Variants in DMD observed in about 807,000 individuals in gnomAD.
The protein encoded by DMD is mutant dystrophin.
Under a neutral mutation model 330.1 loss-of-function variants are expected in DMD, and 63 were observed. The observed-to-expected ratio is 0.19, with a 90% CI of 0.16 to 0.24. The LOEUF (loss-of-function observed/expected upper bound fraction) is 0.24. Ranked by LOEUF, DMD falls within the 10% of genes least tolerant of loss-of-function variation. The pLI, the probability that DMD is intolerant of heterozygous loss-of-function variation, is 1.00. For missense variants in DMD, 3,344 were observed against 2,684.1 expected, an observed-to-expected ratio of 1.25 and a Z score of -5.43; for synonymous variants, 1,223 against 959.8, an observed-to-expected ratio of 1.27 and a Z score of -5.07.
intron 2 of DMD, among the ~76,000 whole-genome samples, chrX:33,012,131 G>GAA (rs1037256043): frequency 2.7e-5 from 3 of 111,618 alleles, no homozygotes; most frequent in Non-Finnish European, 3.8e-5. Flanking sequence ...GTCTTTCTTT[G>GAA]AAAACAGTGA....
chrX:32,636,264 T>A (rs1273671912), intron 11 of DMD, among the ~76,000 whole-genome samples: 1 of 111,820 alleles, frequency 8.9e-6, no homozygotes, highest in Non-Finnish European at 1.9e-5. Context: ...TTTCAAAAAT[T>A]CCCACTAATT....
chrX:31,358,937 C>T (rs1330783429), intron 60 of DMD, among the ~76,000 whole-genome samples: 1 of 111,931 alleles, frequency 8.9e-6, no homozygotes, highest in African/African-American at 3.2e-5. Context: ...ACTGCTTGTC[C>T]TTAGCTGATT....
At chrX:31,230,475 C>T (rs1482104102) in intron 63 of DMD, among the ~76,000 whole-genome samples, 2 of 110,115 alleles carry the variant, frequency 1.8e-5, no homozygotes, top group Admixed American at 9.7e-5. Flanking sequence ...GGTGAAACCC[C>T]GTCTCTATTA....
At chrX:31,891,359 T>C (rs1015886544) in intron 47 of DMD, among the ~76,000 whole-genome samples, 2 of 111,204 alleles carry the variant, frequency 1.8e-5, no homozygotes, top group Non-Finnish European at 3.8e-5. Context: ...CTGGAAACAA[T>C]AAAAAAATCA....
At chrX:32,039,212 G>T (rs1389184677) in intron 44 of DMD, among the ~76,000 whole-genome samples, 2 of 110,822 alleles carry the variant, frequency 1.8e-5, no homozygotes, top group Non-Finnish European at 3.8e-5. Flanking sequence ...AGGCCTTCAA[G>T]AAATGAGAAT....
intron 43 of DMD, among the ~76,000 whole-genome samples, chrX:32,249,196 T>G (rs996857217): frequency 8.9e-6 from 1 of 111,973 alleles, no homozygotes; most frequent in African/African-American, 3.2e-5. Flanking sequence ...TCTTTAAATG[T>G]GAACACAACA....
At chrX:33,113,594 C>A (rs1028349356) in intron 1 of DMD, among the ~76,000 whole-genome samples, 1 of 107,663 alleles carries the variant, frequency 9.3e-6, no homozygotes, top group Admixed American at 1.0e-4. Flanking sequence ...ATTCTTGCCC[C>A]CCCCCCCAAA....
At chrX:33,167,884 T>C (rs1245362917) in intron 1 of DMD, among the ~76,000 whole-genome samples, 1 of 111,285 alleles carries the variant, frequency 9.0e-6, no homozygotes, top group Non-Finnish European at 1.9e-5. Context: ...AGAGAGAATA[T>C]TATCATATAT....
chrX:32,226,546 G>A (rs988350973), intron 43 of DMD, among the ~76,000 whole-genome samples: 6 of 111,615 alleles, frequency 5.4e-5, no homozygotes, highest in Non-Finnish European at 7.5e-5. Context: ...GGTACTAAGC[G>A]CTGTTCCTGG....
chrX:31,349,142 G>C (rs1417043401), intron 60 of DMD, among the ~76,000 whole-genome samples: 2 of 112,549 alleles, frequency 1.8e-5, no homozygotes, highest in Admixed American at 9.4e-5. Context: ...ACCAGTGGTT[G>C]ATTAATATTT....
At chrX:31,200,780 T>A (rs1279193595) in intron 67 of DMD, among the ~76,000 whole-genome samples, 2 of 110,293 alleles carry the variant, frequency 1.8e-5, no homozygotes, top group African/African-American at 3.3e-5. Context: ...AGGACTGGAG[T>A]GTGAAGTGGA....
rs368681325 is a variant in DMD at position 32,361,990 on chromosome X, C to T, written c.5325+798G>A. On this transcript the variant is annotated intron_variant, in intron 37 of 78. Coordinates refer to ENST00000357033, the MANE Select transcript of DMD (RefSeq NM_004006.3). ...TTGCATTTCAAATCTTCCCAAAGAG[C>T]TGAAATTCTATAACACTATATTTAT... 3.7e-3 allele frequency among the ~76,000 whole-genome samples: 413 copies of T among 111,388 alleles called. 2 individuals carry two copies. Among genetic ancestry groups the T allele is most frequent in the African/African-American group, 0.013 (387 of 30,743 alleles).
chrX:31,970,414 G>C (rs1028372098), intron 44 of DMD, among the ~76,000 whole-genome samples: 1 of 110,436 alleles, frequency 9.1e-6, no homozygotes, highest in African/African-American at 3.3e-5. Context: ...ACATAATCTA[G>C]TTGAAAAAAT....
At chrX:32,923,461 T>C (rs894470048) in intron 2 of DMD, among the ~76,000 whole-genome samples, 43 of 109,764 alleles carry the variant, frequency 3.9e-4, no homozygotes, top group African/African-American at 1.3e-3. Context: ...CTCGGTAGGC[T>C]GAGGTGGGAG....
At chrX:33,178,300 CAAT>C (rs1239475843) in intron 1 of DMD, among the ~76,000 whole-genome samples, 3 of 112,029 alleles carry the variant, frequency 2.7e-5, no homozygotes, top group East Asian at 5.6e-4. Flanking sequence ...CCATTTTAGA[CAAT>C]GATGTTACAT....
At chrX:31,516,187 ATGTCT>A (rs1467396022) in intron 55 of DMD, among the ~76,000 whole-genome samples, 1 of 106,577 alleles carries the variant, frequency 9.4e-6, no homozygotes, top group Non-Finnish European at 1.9e-5. Context: ...TAAATTTTGT[ATGTCT>A]GGTATTTGTA....
At chrX:32,018,977 G>T (rs1333117243) in intron 44 of DMD, among the ~76,000 whole-genome samples, 1 of 111,466 alleles carries the variant, frequency 9.0e-6, no homozygotes, top group Non-Finnish European at 1.9e-5. Context: ...AAGGAGGATT[G>T]CCTGTTTTTG....
At chrX:31,738,684 T>C (rs966039734) in intron 51 of DMD, among the ~76,000 whole-genome samples, 8 of 112,158 alleles carry the variant, frequency 7.1e-5, no homozygotes, top group African/African-American at 2.6e-4. Context: ...TAAGTGTCCA[T>C]CAGTAGATGA....
intron 48 of DMD, among the ~76,000 whole-genome samples, chrX:31,873,132 G>A (rs2093917604): frequency 9.0e-6 from 1 of 111,200 alleles, no homozygotes; most frequent in African/African-American, 3.3e-5. Context: ...AACTAAATTT[G>A]TTACTGGGTA....
Sources: gnomAD v4.1 joint callset for allele counts (sites outside exome capture counted in the v4.1 genomes callset) on GRCh38, gnomAD v4.1.1 for gene constraint, MANE v1.5 for transcripts, NCBI Gene and HGNC (gene_info 2026-07-23, HGNC 2026-07-21) for gene names.